Variants in TMEM106B observed in about 807,000 individuals in gnomAD.
TMEM106B encodes the protein transmembrane protein 106B.
Under a neutral mutation model 31.1 loss-of-function variants are expected in TMEM106B, and 15 were observed. The observed-to-expected ratio is 0.48, with a 90% CI of 0.32 to 0.74. The LOEUF is 0.74. TMEM106B is among the 30% of genes least tolerant of loss of function. The probability of loss-of-function intolerance (pLI) is 0.03; values close to 1 mark genes in which losing one functional copy is unlikely to be tolerated. For missense variants in TMEM106B, 283 were observed against 327.3 expected (o/e 0.86, Z 1.04); for synonymous variants, 126 against 112.5 (o/e 1.12, Z -0.76).
intron 3 of TMEM106B, among the ~76,000 whole-genome samples, chr7:12,219,775 G>T (rs1240510671): frequency 6.6e-6 from 1 of 152,100 alleles, no homozygotes; most frequent in African/African-American, 2.4e-5. Flanking sequence ...CGGGAGGAAT[G>T]AAAACATCAA....
chr7:12,229,754 A>G lies in TMEM106B; in HGVS notation c.517A>G (p.Lys173Glu). 1 of 1,613,502 alleles carries G rather than the reference A, an allele frequency of 6.2e-7. No homozygotes were observed. Among genetic ancestry groups the G allele is most frequent in the Non-Finnish European group, 8.5e-7 (1 of 1,179,766 alleles). ...ENITAQVQFSKTVIGKARLNN... is the reference protein window; with the variant it reads ...ENITAQVQFSETVIGKARLNN... ...CATCACTGCCCAAGTTCAATTTTCA[A>G]AAACAGTTATTGGAAAGGCACGCTT... Residue 173 changes from lysine (K) to glutamate (E), a missense_variant, in exon 5 of 8, where the codon AAA becomes GAA. Coordinates refer to ENST00000396668, the MANE Select transcript of TMEM106B (RefSeq NM_001134232.2).
chr7:12,229,091 C>T (rs5011434), intron 4 of TMEM106B, among the ~76,000 whole-genome samples: 76,552 of 151,766 alleles, frequency 0.5, 20,408 homozygotes, highest in African/African-American at 0.66. Context: ...ATGACTGTTA[C>T]AGATCTTTTA....
rs948989107 is a variant in TMEM106B at position 12,238,777 on chromosome 7, G to C, written c.*6802G>C. 1 of 151,006 alleles carries C rather than the reference G, an allele frequency of 6.6e-6. No homozygotes were observed. Among genetic ancestry groups the C allele is most frequent in the Non-Finnish European group, 1.5e-5 (1 of 67,354 alleles). The allele number at this position is 151,006 out of a possible 1,614,324, so 9.4% of individuals were successfully genotyped here. A position where few individuals can be genotyped will look rare whatever the true frequency, so the allele number is the denominator to read the frequency against. On this transcript the variant is annotated 3_prime_UTR_variant, in exon 8 of 8. Coordinates refer to ENST00000396668, the MANE Select transcript of TMEM106B (RefSeq NM_001134232.2). ...GAAAGGAATTTTTTTTTCCAAGCAG[G>C]TCTCAACAATGGGCTTAAAATATTC...
At chr7:12,221,731 G>A (rs184136385) in intron 3 of TMEM106B, among the ~76,000 whole-genome samples, 1 of 152,298 alleles carries the variant, frequency 6.6e-6, no homozygotes, top group African/African-American at 2.4e-5. Flanking sequence ...GAGCTCAGTG[G>A]TCTTCCTCAA....
rs957374277 is a variant in TMEM106B at position 12,223,784 on chromosome 7, G to A, written c.282-442G>A. Among the ~76,000 whole-genome samples the A allele has an allele frequency of 8.1e-5, 12 of 149,068 alleles. No homozygotes were observed. In the East Asian group the frequency reaches 2.4e-3, roughly 29 times the overall value. On this transcript the variant is annotated intron_variant, in intron 3 of 7. Transcript: ENST00000396668. ...CGTCCAGGCAGGAGTGCGGTGGTGCGATCTCAGTTCACTCCAACCTCTGCC... is the reference window on the plus strand; with the variant it reads ...CGTCCAGGCAGGAGTGCGGTGGTGCAATCTCAGTTCACTCCAACCTCTGCC...
At chr7:12,213,048 G>C (rs1781611326) in intron 1 of TMEM106B, among the ~76,000 whole-genome samples, 1 of 152,064 alleles carries the variant, frequency 6.6e-6, no homozygotes, top group South Asian at 2.1e-4. Flanking sequence ...GTTCTTTTCA[G>C]CTTTAAAAGG....
rs991271194 is a variant in TMEM106B, at chr7:12,239,885, CA to C, written c.*7914del. 34 of 151,954 alleles carry C rather than the reference CA, an allele frequency of 2.2e-4. No homozygotes were observed. Among genetic ancestry groups the C allele is most frequent in the Admixed American group, 2.2e-3 (33 of 15,246 alleles). 9.4% of individuals were successfully genotyped at this position (151,954 alleles called of 1,614,324 possible). ...ACATTTGAAATATTGCAAAAATTAC[CA>C]AAATGCGACAGAGACATGAAATGAG... On this transcript the variant is annotated 3_prime_UTR_variant, in exon 8 of 8. Coordinates refer to ENST00000396668, the MANE Select transcript of TMEM106B (RefSeq NM_001134232.2).
rs1424453898 is a variant in TMEM106B at position 12,230,452 on chromosome 7, TATA to T, written c.632+19_632+21del. 1 of 1,496,482 alleles carries T rather than the reference TATA, an allele frequency of 6.7e-7. No homozygotes were observed. Among genetic ancestry groups the T allele is most frequent in the Non-Finnish European group, 9.2e-7 (1 of 1,082,610 alleles). 92.7% of individuals were successfully genotyped at this position (1,496,482 alleles called of 1,614,324 possible). ...GAGTTATATGTAGTAAGTTCTGATT[TATA>T]ATAACTTTTTATTGTCAAATAATGA... On this transcript the variant is annotated intron_variant, in intron 6 of 7. Coordinates refer to ENST00000396668, the MANE Select transcript of TMEM106B (RefSeq NM_001134232.2).
At chr7:12,214,147 CTG>C (rs1269381407) in intron 1 of TMEM106B, 3 of 152,204 alleles carry the variant, frequency 2.0e-5, no homozygotes, top group Non-Finnish European at 4.4e-5. Flanking sequence ...CCTTGCAAAG[CTG>C]TCTCTCGTGG....
chr7:12,217,704 A>G (rs1781713922), intron 2 of TMEM106B, among the ~76,000 whole-genome samples: 1 of 152,190 alleles, frequency 6.6e-6, no homozygotes, highest in Non-Finnish European at 1.5e-5. Context: ...ATGGGGGAGC[A>G]CAGATGAGAG....
chr7:12,214,293 G>A (rs1781641139), intron 1 of TMEM106B: 1 of 152,524 alleles, frequency 6.6e-6, no homozygotes, highest in Non-Finnish European at 1.5e-5. Flanking sequence ...TCTGAAGCCT[G>A]CTACCTGGAG....
chr7:12,217,656 C>T (rs1486386253), intron 2 of TMEM106B, among the ~76,000 whole-genome samples: 1 of 152,038 alleles, frequency 6.6e-6, no homozygotes, highest in Non-Finnish European at 1.5e-5. Context: ...ATACAGATAT[C>T]CATGTTATAT....
chr7:12,240,507 A>G lies in TMEM106B; in HGVS notation c.*8532A>G, dbSNP rs1240763068. On this transcript the variant is annotated 3_prime_UTR_variant, in exon 8 of 8. Transcript: ENST00000396668. Reference sequence around the variant, plus strand: ...AGGTTGTGTTTTAATTACTATTTTTAAAATCTTGTATGAGGTAGTATGATT... The same window carrying G: ...AGGTTGTGTTTTAATTACTATTTTTGAAATCTTGTATGAGGTAGTATGATT... 3 of 152,168 alleles carry G rather than the reference A, an allele frequency of 2.0e-5. No homozygotes were observed. The highest frequency in any genetic ancestry group is 4.4e-5 in the Non-Finnish European group (3 of 68,036). The allele number at this position is 152,168 out of a possible 1,614,324, so 9.4% of individuals were successfully genotyped here. A position where few individuals can be genotyped will look rare whatever the true frequency, so the allele number is the denominator to read the frequency against.
chr7:12,224,212 C>G lies in TMEM106B; in HGVS notation c.282-14C>G. ...TGATGCACATGTACTTAAATACCCT[C>G]TTTTCCTTTTCAGAAAGCTGTATGT... is the stretch of plus-strand genomic sequence containing the variant. On this transcript the variant is annotated splice_polypyrimidine_tract_variant and intron_variant, in intron 3 of 7. Transcript: ENST00000396668. 6.2e-7 allele frequency: 1 copy of G among 1,608,302 alleles called. No homozygotes were observed. Among genetic ancestry groups the G allele is most frequent in the East Asian group, 2.2e-5 (1 of 44,736 alleles).
intron 3 of TMEM106B, among the ~76,000 whole-genome samples, chr7:12,223,132 G>C (rs969818063): frequency 2.0e-5 from 3 of 152,140 alleles, no homozygotes; most frequent in Non-Finnish European, 1.5e-5. Context: ...CTTGAAAAGA[G>C]GAAGTTTTTA....
Position 12,224,226 on chromosome 7 carries a change from A to G in TMEM106B, c.282A>G (p.Thr94=), listed in dbSNP as rs1191465268. The G allele has an allele frequency of 8.7e-6, 14 of 1,609,460 alleles. No homozygotes were observed. Among genetic ancestry groups the G allele is most frequent in the African/African-American group, 1.3e-5 (1 of 74,686 alleles). ...YSDQRLRPRR[T]KLYVMASVFV... ...TTAAATACCCTCTTTTCCTTTTCAG[A>G]AAGCTGTATGTGATGGCTTCTGTGT... Residue 94 remains threonine, a splice_region_variant and synonymous_variant, in exon 4 of 8, where the codon ACA becomes ACG. Transcript: ENST00000396668.
chr7:12,215,594 T>TAA (rs1781671331), intron 2 of TMEM106B: 1 of 336,452 alleles, frequency 3.0e-6, no homozygotes, highest in Non-Finnish European at 6.2e-6. Context: ...TTTATTTTTT[T>TAA]AATAATAAGG....
At chr7:12,212,077 C>G (rs1354881628) in intron 1 of TMEM106B, among the ~76,000 whole-genome samples, 2 of 152,166 alleles carry the variant, frequency 1.3e-5, no homozygotes, top group African/African-American at 4.8e-5. Context: ...GTAGAGAAGG[C>G]AAGGGATTCC....
intron 3 of TMEM106B, among the ~76,000 whole-genome samples, chr7:12,223,722 CTTT>C (rs34413750): frequency 7.4e-5 from 10 of 135,656 alleles, no homozygotes; most frequent in Admixed American, 7.5e-5. Flanking sequence ...AATGTGATTC[CTTT>C]TTTTTTTTTT....
Sources: gnomAD v4.1 joint callset for allele counts (sites outside exome capture counted in the v4.1 genomes callset) on GRCh38, gnomAD v4.1.1 for gene constraint, MANE v1.5 for transcripts, NCBI Gene and HGNC (gene_info 2026-07-23, HGNC 2026-07-21) for gene names.